Variants in MYCBP2 observed in about 807,000 individuals in gnomAD.
MYCBP2 encodes the protein E3 ubiquitin-protein ligase MYCBP2.
MYCBP2 carries 120 observed loss-of-function variants against 525.3 expected under a neutral mutation model. That is an observed-to-expected ratio of 0.23 (90% confidence interval 0.20 to 0.27). MYCBP2 has a LOEUF of 0.27. MYCBP2 is among the 10% of genes least tolerant of loss of function. MYCBP2 has a pLI of 1.00. For missense variants in MYCBP2, 4,149 were observed against 5,657.1 expected (o/e 0.73, Z 8.55); for synonymous variants, 1,894 against 1,955.8 (o/e 0.97, Z 0.83).
chr13:77,214,309 T>C (rs1490281822), intron 21 of MYCBP2, among the ~76,000 whole-genome samples: 1 of 152,224 alleles, frequency 6.6e-6, no homozygotes, highest in African/African-American at 2.4e-5. Context: ...ATCTCACTTC[T>C]AGGAATTTAT....
intron 62 of MYCBP2, 25 bp downstream of exon 62, chr13:77,087,459 C>T (rs199974362): frequency 3.8e-6 from 6 of 1,579,562 alleles, no homozygotes; most frequent in East Asian, 2.3e-5. Context: ...AAAATATGCA[C>T]AATCAAAACA....
intron 3 of MYCBP2, among the ~76,000 whole-genome samples, chr13:77,279,577 A>G (rs1163135486): frequency 6.6e-6 from 1 of 152,234 alleles, no homozygotes; most frequent in Non-Finnish European, 1.5e-5. Context: ...AGAAGTATTA[A>G]TTAAATTGTT....
At chr13:77,128,866 A>G (rs1239979746) in intron 52 of MYCBP2, among the ~76,000 whole-genome samples, 2 of 152,044 alleles carry the variant, frequency 1.3e-5, no homozygotes, top group Admixed American at 6.6e-5. Context: ...AGGCCAGGAC[A>G]CTGTCACCTA....
intron 55 of MYCBP2, among the ~76,000 whole-genome samples, chr13:77,102,543 T>C (rs1313500884): frequency 2.0e-5 from 3 of 151,526 alleles, no homozygotes; most frequent in East Asian, 3.9e-4. Flanking sequence ...TAAGTAGGCA[T>C]CTGTAGTGTT....
At chr13:77,166,015 C>G (rs1336367711) in intron 41 of MYCBP2, among the ~76,000 whole-genome samples, 1 of 152,130 alleles carries the variant, frequency 6.6e-6, no homozygotes, top group African/African-American at 2.4e-5. Context: ...AATAAAAGAT[C>G]TAATCCATTG....
intron 21 of MYCBP2, among the ~76,000 whole-genome samples, chr13:77,215,826 C>A (rs1394341070): frequency 6.6e-6 from 1 of 152,160 alleles, no homozygotes; most frequent in African/African-American, 2.4e-5. Flanking sequence ...AGTGATCCTC[C>A]TACACTGGCC....
chr13:77,079,582 G>A (rs1388270140), intron 65 of MYCBP2, among the ~76,000 whole-genome samples: 2 of 152,182 alleles, frequency 1.3e-5, no homozygotes, highest in Non-Finnish European at 2.9e-5. Flanking sequence ...AAGGCTCTGT[G>A]GTAGGCAGGT....
chr13:77,139,469 A>G (rs1334640357), intron 51 of MYCBP2, 133 bp from the exon 52 acceptor site: 1 of 936,594 alleles, frequency 1.1e-6, no homozygotes, highest in Non-Finnish European at 1.5e-6. Flanking sequence ...GCAGAAAGTA[A>G]GTCTGAGAGA....
At chr13:77,133,859 A>G (rs1036241036) in intron 52 of MYCBP2, among the ~76,000 whole-genome samples, 11 of 152,144 alleles carry the variant, frequency 7.2e-5, no homozygotes, top group Admixed American at 3.9e-4. Context: ...ACTTATCACA[A>G]TGCAATTTAA....
chr13:77,307,625 C>CA (rs763388200), intron 1 of MYCBP2, among the ~76,000 whole-genome samples: 4,412 of 29,966 alleles, frequency 0.15, 892 homozygotes, highest in East Asian at 0.3. Context: ...GACCCTGTCT[C>CA]AAAAAAAAAA....
intron 3 of MYCBP2, among the ~76,000 whole-genome samples, chr13:77,280,456 A>T (rs981735835): frequency 2.6e-5 from 4 of 152,196 alleles, no homozygotes; most frequent in Non-Finnish European, 5.9e-5. Flanking sequence ...CAGAGTACAA[A>T]ATATGGGGCT....
chr13:77,056,099 GGTGTGTGTGTGTGTGT>G (rs56952443), intron 79 of MYCBP2, among the ~76,000 whole-genome samples: 2,096 of 120,588 alleles, frequency 0.017, 28 homozygotes, highest in Admixed American at 0.032. Context: ...CTCTGTGTTT[GGTGTGTGTGTGTGTGT>G]GTGTGTGTGT....
intron 1 of MYCBP2, among the ~76,000 whole-genome samples, chr13:77,310,975 A>T (rs1237570945): frequency 6.6e-6 from 1 of 152,210 alleles, no homozygotes; most frequent in East Asian, 1.9e-4. Context: ...AGACAAAAAA[A>T]GTACTTCAGG....
chr13:77,201,736 A>C (rs1459150371), intron 26 of MYCBP2, among the ~76,000 whole-genome samples: 1 of 152,122 alleles, frequency 6.6e-6, no homozygotes, highest in African/African-American at 2.4e-5. Flanking sequence ...AGGATTAAGA[A>C]TCTCACTCAA....
Position 77,098,940 on chromosome 13 carries a change from G to T in MYCBP2, c.8214C>A (p.His2738Gln). Reference protein sequence around the residue: ...TSGKSELSSKHSRSLKPDGRM... With the variant: ...TSGKSELSSKQSRSLKPDGRM... ...GTCCATCAGGTTTAAGCGATCTGCT[G>T]TGTTTAGAGGACAGCTCTGATTTTC... Residue 2738 changes from histidine to glutamine, a missense_variant, in exon 56 of 83, where the codon CAC (histidine) becomes CAA (glutamine). Around this residue, in one of 21 missense-constraint regions of MYCBP2, gnomAD observed 653 missense variants for 744.7 expected, o/e 0.88. Transcript: ENST00000544440. The T allele has an allele frequency of 6.2e-7, 1 of 1,613,310 alleles. No homozygotes were observed. Among genetic ancestry groups the T allele is most frequent in the South Asian group, 1.1e-5 (1 of 91,062 alleles).
intron 52 of MYCBP2, among the ~76,000 whole-genome samples, chr13:77,134,228 T>G (rs974512087): frequency 6.6e-6 from 1 of 152,046 alleles, no homozygotes; most frequent in Non-Finnish European, 1.5e-5. Flanking sequence ...CTGGAAAGCA[T>G]GTTCTCAGCC....
intron 44 of MYCBP2, among the ~76,000 whole-genome samples, chr13:77,160,686 C>A (rs1396930055): frequency 6.6e-6 from 1 of 152,110 alleles, no homozygotes; most frequent in African/African-American, 2.4e-5. Context: ...AAGTGCTCTA[C>A]AGATATTATT....
rs113698672 is a variant in MYCBP2, at chr13:77,079,461, A to G, written c.11419-572T>C. Among the ~76,000 whole-genome samples the G allele has an allele frequency of 5.5e-4, 84 of 152,320 alleles. 2 individuals are homozygous for G. Among genetic ancestry groups the G allele is most frequent in the Non-Finnish European group, 3.1e-4 (21 of 68,032 alleles). On this transcript the variant is annotated intron_variant, in intron 65 of 82. Transcript: ENST00000544440. The stretch of plus-strand genomic sequence containing the variant: ...CTAGTGTCAAATATCTTAAGGCTGA[A>G]TAAGTTTTACGCAAAGCACATCAAG...
chr13:77,211,916 CAA>C lies in MYCBP2; in HGVS notation c.3262+38_3262+39del, dbSNP rs1026606925. On this transcript the variant is annotated intron_variant, in intron 22 of 82. Coordinates refer to ENST00000544440, the MANE Select transcript of MYCBP2 (RefSeq NM_015057.5). ...ATAAACCATTTACTATCAATCAAGACAAGAGTTTGGAAGGGGCATTTGTTTAT... is the reference window on the plus strand; with the variant it reads ...ATAAACCATTTACTATCAATCAAGACGAGTTTGGAAGGGGCATTTGTTTAT... The C allele has an allele frequency of 4.7e-6, 7 of 1,481,898 alleles. No individual in the cohort carries two copies. The African/African-American group carries it at 6.9e-5, about 15-fold the overall frequency. 91.8% of individuals were successfully genotyped at this position (1,481,898 alleles called of 1,614,324 possible).
Sources: allele counts gnomAD v4.1 joint callset (sites outside exome capture counted in the v4.1 genomes callset), GRCh38; gene constraint gnomAD v4.1.1; regional missense constraint gnomAD v4.1.1; transcripts MANE v1.5; gene names NCBI Gene and HGNC (gene_info 2026-07-23, HGNC 2026-07-21).